FSHR: variants seen among roughly 807,000 people sequenced by gnomAD.
FSHR encodes the protein follicle stimulating hormone receptor.
A neutral mutation model predicts 52.1 loss-of-function variants in FSHR; 46 were observed. The ratio of observed to expected loss-of-function variants is 0.88; its 90% CI spans 0.70 to 1.13. The LOEUF is 1.13. Ranked by LOEUF, FSHR falls within the 50% of genes most tolerant of loss-of-function variation. The probability of loss-of-function intolerance (pLI) is 0.00; values close to 1 mark genes in which losing one functional copy is unlikely to be tolerated. For synonymous variants in FSHR, 399 were observed against 309.6 expected, an observed-to-expected ratio of 1.29 and a Z score of -3.03; for missense variants, 964 against 834.6, an observed-to-expected ratio of 1.16 and a Z score of -1.91.
At position 48,968,826 on chromosome 2, in the gene FSHR, C is replaced by T. The variant is rs1275556557; in HGVS notation, c.726G>A (p.Lys242=). The T allele has an allele frequency of 5.6e-6, 9 of 1,613,952 alleles. No individual in the cohort carries two copies. Among genetic ancestry groups the T allele is most frequent in the Non-Finnish European group, 7.6e-6 (9 of 1,180,012 alleles). The change falls in exon 9 of 10, where the codon AAG becomes AAA. Residue 242 remains lysine (K), a synonymous_variant. Coordinates refer to ENST00000406846, the MANE Select transcript of FSHR (RefSeq NM_000145.4). ...SLPSYGLENL[K]KLRARSTYNL... is the part of the protein sequence containing the mutation. ...TGTAAGTCGACCTGGCCCTCAGCTT[C>T]TTAAGATTTTCTAAGCCATAGCTAG...
Sources: gnomAD v4.1 joint callset for allele counts on GRCh38, gnomAD v4.1.1 for gene constraint, MANE v1.5 for transcripts, NCBI Gene and HGNC (gene_info 2026-07-23, HGNC 2026-07-21) for gene names.